The following SLC24A2 variants were observed in gnomAD, a reference collection of about 807,000 sequenced individuals.
The protein encoded by SLC24A2 is sodium/potassium/calcium exchanger 2.
In SLC24A2, 36 loss-of-function variants were observed where a neutral mutation model predicts 62.0. That is an observed-to-expected ratio of 0.58 (90% CI 0.44 to 0.77). The LOEUF (loss-of-function observed/expected upper bound fraction) is 0.77, where lower values mean the gene tolerates loss of function less well. SLC24A2 is among the 30% of genes least tolerant of loss of function. SLC24A2 has a pLI of 0.00. For missense variants in SLC24A2, 846 were observed against 817.9 expected (o/e 1.03, Z -0.42); for synonymous variants, 358 against 294.0 (o/e 1.22, Z -2.23).
At chr9:19,857,989 T>G in the SLC24A2 span, among the ~76,000 whole-genome samples, 1 of 152,120 alleles carries the variant, frequency 6.6e-6, no homozygotes, top group African/African-American at 2.4e-5. Flanking sequence ...CTTCTGAGAA[T>G]TAGAAAAAAA....
the SLC24A2 span, among the ~76,000 whole-genome samples, chr9:20,035,620 G>T: frequency 6.6e-6 from 1 of 152,104 alleles, no homozygotes; most frequent in African/African-American, 2.4e-5. Context: ...TGGGTGTGGT[G>T]GTGCACATGT....
chr9:20,235,028 C>G, the SLC24A2 span, among the ~76,000 whole-genome samples: 1 of 152,232 alleles, frequency 6.6e-6, no homozygotes, highest in East Asian at 1.9e-4. Flanking sequence ...GCAGCAGTGG[C>G]TGCAGAACAG....
the SLC24A2 span, among the ~76,000 whole-genome samples, chr9:19,980,400 C>A: frequency 6.6e-6 from 1 of 152,148 alleles, no homozygotes; most frequent in East Asian, 1.9e-4. Context: ...TGAAGGACAG[C>A]AGCAGCTCAA....
At chr9:19,628,846 T>C (rs993841978) in intron 2 of SLC24A2, among the ~76,000 whole-genome samples, 4 of 152,218 alleles carry the variant, frequency 2.6e-5, no homozygotes, top group African/African-American at 7.2e-5. Context: ...CAACTCATAA[T>C]GTTTTAAGAA....
At chr9:19,583,802 G>A (rs117338811) in intron 5 of SLC24A2, among the ~76,000 whole-genome samples, 2 of 152,246 alleles carry the variant, frequency 1.3e-5, no homozygotes, top group Non-Finnish European at 2.9e-5. Context: ...CATCTCCAAG[G>A]TCAATAAGGT....
chr9:20,087,203 T>C, the SLC24A2 span, among the ~76,000 whole-genome samples: 1 of 152,188 alleles, frequency 6.6e-6, no homozygotes, highest in South Asian at 2.1e-4. Flanking sequence ...CATTAATTAA[T>C]TCATTAATAA....
At chr9:19,847,457 T>C in the SLC24A2 span, among the ~76,000 whole-genome samples, 4 of 152,238 alleles carry the variant, frequency 2.6e-5, no homozygotes, top group Non-Finnish European at 4.4e-5. Flanking sequence ...TATCTTCTCA[T>C]TGGTTGCTGA....
At chr9:20,068,353 C>T in the SLC24A2 span, among the ~76,000 whole-genome samples, 2,318 of 152,178 alleles carry the variant, frequency 0.015, 34 homozygotes, top group Non-Finnish European at 0.021. Context: ...TGAGCCACCG[C>T]ACCTAGCCTT....
intron 2 of SLC24A2, among the ~76,000 whole-genome samples, chr9:19,728,637 A>T (rs1377480827): frequency 6.6e-6 from 1 of 152,126 alleles, no homozygotes; most frequent in East Asian, 1.9e-4. Context: ...CAAAGACCAC[A>T]TAACTGCTTC....
the SLC24A2 span, among the ~76,000 whole-genome samples, chr9:20,211,821 TTG>T: frequency 6.6e-6 from 1 of 151,352 alleles, no homozygotes; most frequent in Non-Finnish European, 1.5e-5. Context: ...CTCAAAATAT[TTG>T]TGTTTGTGTT....
At chr9:19,594,006 C>A (rs1836632674) in intron 5 of SLC24A2, among the ~76,000 whole-genome samples, 1 of 151,886 alleles carries the variant, frequency 6.6e-6, no homozygotes, top group South Asian at 2.1e-4. Context: ...TGGTGTGCAT[C>A]TATCCCTTCA....
At chr9:19,947,848 G>GAAAGAAAA in the SLC24A2 span, among the ~76,000 whole-genome samples, 1 of 145,340 alleles carries the variant, frequency 6.9e-6, no homozygotes, top group Non-Finnish European at 1.5e-5. Context: ...AAGAAAGAAA[G>GAAAGAAAA]AAATTAGTTC....
At chr9:19,605,531 C>T (rs1836959745) in intron 4 of SLC24A2, among the ~76,000 whole-genome samples, 1 of 152,218 alleles carries the variant, frequency 6.6e-6, no homozygotes, top group Non-Finnish European at 1.5e-5. Flanking sequence ...AATCGGTTCC[C>T]ATGTTATCTT....
chr9:20,074,143 G>C, the SLC24A2 span, among the ~76,000 whole-genome samples: 1 of 151,902 alleles, frequency 6.6e-6, no homozygotes, highest in East Asian at 1.9e-4. Context: ...ATCAGTATTT[G>C]CTTCTCAGAA....
the SLC24A2 span, among the ~76,000 whole-genome samples, chr9:19,989,299 A>G: frequency 1.3e-5 from 2 of 152,032 alleles, no homozygotes; most frequent in African/African-American, 4.8e-5. Flanking sequence ...TATAAGCTTC[A>G]TTTTTCTCAT....
At chr9:19,984,739 C>A in the SLC24A2 span, among the ~76,000 whole-genome samples, 1 of 152,006 alleles carries the variant, frequency 6.6e-6, no homozygotes, top group Non-Finnish European at 1.5e-5. Flanking sequence ...ATATTTATAG[C>A]CAATTGATTT....
At chr9:19,542,529 G>T (rs1395424111) in intron 8 of SLC24A2, among the ~76,000 whole-genome samples, 1 of 152,082 alleles carries the variant, frequency 6.6e-6, no homozygotes, top group Admixed American at 6.5e-5. Context: ...GTTTTCAAAG[G>T]GAATGCTTCC....
the SLC24A2 span, among the ~76,000 whole-genome samples, chr9:20,192,669 A>G: frequency 6.6e-6 from 1 of 152,168 alleles, no homozygotes; most frequent in Non-Finnish European, 1.5e-5. Flanking sequence ...TTATAGAATC[A>G]GTTGGGAAGA....
the SLC24A2 span, among the ~76,000 whole-genome samples, chr9:19,999,860 T>C: frequency 3.3e-5 from 5 of 152,286 alleles, no homozygotes; most frequent in East Asian, 3.9e-4. Flanking sequence ...AGAAGGGGCC[T>C]GTTTTCAACC....
Sources: gnomAD v4.1 joint callset for allele counts (sites outside exome capture counted in the v4.1 genomes callset) on GRCh38, gnomAD v4.1.1 for gene constraint, MANE v1.5 for transcripts, NCBI Gene and HGNC (gene_info 2026-07-23, HGNC 2026-07-21) for gene names.